WWP2: variants seen among roughly 807,000 people sequenced by gnomAD.
The protein encoded by WWP2 is WW domain containing E3 ubiquitin protein ligase 2.
Under a neutral mutation model 121.0 loss-of-function variants are expected in WWP2, and 57 were observed. That is an observed-to-expected ratio of 0.47 (90% confidence interval 0.38 to 0.59). The LOEUF is 0.59. Among genes scored for constraint, WWP2 ranks in the 20% least tolerant of loss-of-function variants. WWP2 has a pLI of 0.00. For missense variants in WWP2, 962 were observed against 1,158.9 expected, an observed-to-expected ratio of 0.83 and a Z score of 2.47; for synonymous variants, 449 against 441.3, an observed-to-expected ratio of 1.02 and a Z score of -0.22.
chr16:69,880,891 C>G (rs2057816263), intron 7 of WWP2, among the ~76,000 whole-genome samples: 1 of 152,316 alleles, frequency 6.6e-6, no homozygotes, highest in Admixed American at 6.5e-5. Flanking sequence ...CACCACGAGT[C>G]TGTGATACAC....
chr16:69,784,044 T>C (rs573803483), intron 1 of WWP2, among the ~76,000 whole-genome samples: 2 of 152,188 alleles, frequency 1.3e-5, no homozygotes, highest in East Asian at 1.9e-4. Context: ...CCAGACTCTT[T>C]TAGGGTTTTG....
chr16:69,803,480 A>G (rs2056214256), intron 4 of WWP2, among the ~76,000 whole-genome samples: 1 of 152,020 alleles, frequency 6.6e-6, no homozygotes, highest in African/African-American at 2.4e-5. Context: ...TTTTCTCAAC[A>G]TGTCGTTTTG....
At position 69,933,595 on chromosome 16, in the gene WWP2, G is replaced by A. The variant is rs76670736; in HGVS notation, c.1683-375G>A. On this transcript the variant is annotated intron_variant, in intron 16 of 23. Transcript: ENST00000359154. ...AAAATTATTGTAATAAACATGCATC[G>A]TGCCCTTGTGCAGTGCACAGCCTAG... Among the ~76,000 whole-genome samples the A allele has an allele frequency of 9.2e-3, 1,402 of 152,212 alleles. 18 individuals carry two copies. Among genetic ancestry groups the A allele is most frequent in the African/African-American group, 0.031 (1,305 of 41,530 alleles).
chr16:69,782,494 G>T (rs553107219), intron 1 of WWP2, among the ~76,000 whole-genome samples: 1 of 152,292 alleles, frequency 6.6e-6, no homozygotes, highest in Non-Finnish European at 1.5e-5. Flanking sequence ...GTGATCAGTT[G>T]TGTCAGATGC....
At chr16:69,891,353 G>C (rs1322708991) in intron 8 of WWP2, among the ~76,000 whole-genome samples, 2 of 152,180 alleles carry the variant, frequency 1.3e-5, no homozygotes, top group Non-Finnish European at 2.9e-5. Context: ...TACCAACAAA[G>C]GGTGTGTTGT....
chr16:69,800,697 T>C (rs550355589), intron 4 of WWP2, among the ~76,000 whole-genome samples: 21 of 151,496 alleles, frequency 1.4e-4, no homozygotes, highest in African/African-American at 5.1e-4. Flanking sequence ...CCCAAGTAGC[T>C]GGGATTACAG....
At chr16:69,861,073 G>T (rs540599343) in intron 6 of WWP2, among the ~76,000 whole-genome samples, 5 of 152,316 alleles carry the variant, frequency 3.3e-5, no homozygotes, top group African/African-American at 9.6e-5. Context: ...TTCCTCCTGT[G>T]CACAGTGGAG....
intron 22 of WWP2, 29 bp downstream of exon 22, chr16:69,939,152 TGGCTGGCAG>T (rs1176756791): frequency 6.3e-7 from 1 of 1,579,960 alleles, no homozygotes; most frequent in Admixed American, 1.8e-5. Context: ...TCTGGCGTCC[TGGCTGGCAG>T]TGCGGACAGC....
At position 69,861,693 on chromosome 16, in the gene WWP2, A is replaced by AG. The variant is rs372318304; in HGVS notation, c.576-10105dup. ...ACATTTGAGTGGGGAGGAAGAATTG[A>AG]GGGGGGTGCAGGTGGGAGTAGGTTT... On this transcript the variant is annotated intron_variant, in intron 6 of 23. Coordinates refer to ENST00000359154, the MANE Select transcript of WWP2 (RefSeq NM_001270454.2). Among the ~76,000 whole-genome samples, 856 of 124,710 alleles carry AG rather than the reference A, an allele frequency of 6.9e-3. 7 individuals carry two copies. Among genetic ancestry groups the AG allele is most frequent in the African/African-American group, 0.025 (808 of 31,756 alleles). 81.8% of individuals were successfully genotyped at this position (124,710 alleles called of 152,430 possible).
At chr16:69,912,551 G>A (rs947205733) in intron 9 of WWP2, among the ~76,000 whole-genome samples, 2 of 152,052 alleles carry the variant, frequency 1.3e-5, no homozygotes, top group African/African-American at 4.8e-5. Flanking sequence ...TCCCCAGGCT[G>A]AAAATTGGAG....
intron 9 of WWP2, among the ~76,000 whole-genome samples, chr16:69,916,173 G>A (rs1181127543): frequency 6.6e-6 from 1 of 152,116 alleles, no homozygotes; most frequent in Admixed American, 6.5e-5. Flanking sequence ...AGGGCAATGG[G>A]GAGTCAATGG....
chr16:69,821,451 C>A (rs2056591750), intron 4 of WWP2, among the ~76,000 whole-genome samples: 1 of 152,190 alleles, frequency 6.6e-6, no homozygotes, highest in African/African-American at 2.4e-5. Flanking sequence ...CCTTGTGGAG[C>A]CTCACCTGAA....
chr16:69,914,616 G>A (rs1422185173), intron 9 of WWP2, among the ~76,000 whole-genome samples: 1 of 151,982 alleles, frequency 6.6e-6, no homozygotes, highest in Non-Finnish European at 1.5e-5. Flanking sequence ...AATTGGCCCC[G>A]CATGGTGGTG....
rs1372947769 is a variant in WWP2, at chr16:69,917,765, G to A, written c.1061G>A (p.Arg354Gln). The change falls in exon 10 of 24, where the codon CGG (arginine) becomes CAG (glutamine). Residue 354 changes from arginine (R) to glutamine (Q), a missense_variant. By Grantham distance (43) the Arg-to-Gln change is conservative (BLOSUM62 1). Around this residue, in one of 3 missense-constraint regions of WWP2, gnomAD observed 606 missense variants for 772.6 expected, o/e 0.78. Transcript: ENST00000359154. The part of the protein sequence containing the change: ...GRFYYVDHNT[R>Q]TTTWQRPTAE... ...TTTTACTATGTGGATCACAATACTC[G>A]GACCACCACCTGGCAGCGTCCGACC... 4.3e-6 allele frequency: 7 copies of A among 1,613,728 alleles called. No individual in the cohort carries two copies. The South Asian group carries it at 4.4e-5, about 10-fold the overall frequency.
chr16:69,846,479 G>A (rs1567700442), intron 6 of WWP2, among the ~76,000 whole-genome samples: 1 of 152,156 alleles, frequency 6.6e-6, no homozygotes, highest in African/African-American at 2.4e-5. Flanking sequence ...CAGCATTTTG[G>A]GGAGGTCGAG....
intron 8 of WWP2, among the ~76,000 whole-genome samples, chr16:69,898,297 G>A (rs1367292940): frequency 6.6e-6 from 1 of 152,016 alleles, no homozygotes. Flanking sequence ...CAAAGTGCTG[G>A]GATTACAGGT....
chr16:69,926,500 T>C (rs2058641574), intron 11 of WWP2, among the ~76,000 whole-genome samples: 1 of 152,160 alleles, frequency 6.6e-6, no homozygotes, highest in South Asian at 2.1e-4. Flanking sequence ...CCTGGAAACA[T>C]GCAGGTTTGG....
chr16:69,914,591 C>T (rs1258605401), intron 9 of WWP2, among the ~76,000 whole-genome samples: 3 of 152,052 alleles, frequency 2.0e-5, no homozygotes, highest in African/African-American at 7.2e-5. Context: ...GACACTATCT[C>T]TTAGAAAAAC....
chr16:69,843,632 T>C (rs758151060), intron 6 of WWP2, among the ~76,000 whole-genome samples: 1 of 151,926 alleles, frequency 6.6e-6, no homozygotes, highest in Non-Finnish European at 1.5e-5. Context: ...TTTTGGAAGA[T>C]CAAAGTGGGA....
Sources: gnomAD v4.1 joint callset for allele counts (sites outside exome capture counted in the v4.1 genomes callset) on GRCh38, gnomAD v4.1.1 for gene constraint, gnomAD v4.1.1 regional missense constraint, MANE v1.5 for transcripts, NCBI Gene and HGNC (gene_info 2026-07-23, HGNC 2026-07-21) for gene names.